The following ZCCHC14 variants were observed in gnomAD, a reference collection of about 807,000 sequenced individuals.
ZCCHC14 encodes zinc finger CCHC domain-containing protein 14.
In ZCCHC14, 16 loss-of-function variants were observed where a neutral mutation model predicts 85.0. The ratio of observed to expected loss-of-function variants is 0.19; its 90% CI spans 0.13 to 0.29. The LOEUF (loss-of-function observed/expected upper bound fraction) is 0.29, where lower values mean the gene tolerates loss of function less well. Among genes scored for constraint, ZCCHC14 ranks in the 10% least tolerant of loss-of-function variants. The pLI is 1.00. For missense variants in ZCCHC14, 1,303 were observed against 1,443.5 expected (o/e 0.90, Z 1.58); for synonymous variants, 775 against 630.7 (o/e 1.23, Z -3.43).
intron 1 of ZCCHC14, among the ~76,000 whole-genome samples, chr16:87,475,684 T>C (rs1203298073): frequency 6.6e-6 from 1 of 150,582 alleles, no homozygotes; most frequent in Admixed American, 6.6e-5. Context: ...TGAAGATGGA[T>C]CAATAAAAAG....
At chr16:87,435,397 G>A (rs964391631) in intron 2 of ZCCHC14, among the ~76,000 whole-genome samples, 4 of 152,204 alleles carry the variant, frequency 2.6e-5, no homozygotes, top group Admixed American at 6.5e-5. Context: ...ACCAACACCC[G>A]CCCGTCCGTG....
chr16:87,491,548 G>T lies in ZCCHC14; in HGVS notation c.570+121C>A. ...GTGGTGCAGGTTGGAGACCTGGGTG[G>T]GAGCTCTCAGTGCAGGCTGGAGGCG... is the stretch of plus-strand genomic sequence containing the variant. On this transcript the variant is annotated intron_variant, in intron 1 of 12. Coordinates refer to ENST00000671377, the MANE Select transcript of ZCCHC14 (RefSeq NM_015144.3). The surrounding 1 kb of genome is among the most constrained non-coding windows in gnomAD (Gnocchi z 5.9). The T allele has an allele frequency of 1.1e-6, 1 of 891,976 alleles. No individual in the cohort carries two copies. Among genetic ancestry groups the T allele is most frequent in the Non-Finnish European group, 1.5e-6 (1 of 659,024 alleles). 55.3% of individuals were successfully genotyped at this position (891,976 alleles called of 1,614,324 possible). A position where few individuals can be genotyped will look rare whatever the true frequency, so the allele number is the denominator to read the frequency against.
chr16:87,414,503 G>A lies in ZCCHC14; in HGVS notation c.1514C>T (p.Pro505Leu), dbSNP rs769425549. The A allele has an allele frequency of 2.2e-5, 35 of 1,612,890 alleles. 1 individual carries two copies. Among genetic ancestry groups the A allele is most frequent in the South Asian group, 3.3e-5 (3 of 91,000 alleles). The change falls in exon 10 of 13, where the codon CCG (proline) becomes CTG (leucine). Residue 505 changes from proline (P) to leucine (L), a missense_variant. Pro to Leu is a moderately conservative substitution (Grantham distance 98). Transcript: ENST00000671377. The stretch of plus-strand genomic sequence containing the variant: ...CACACCACTGCTGGTGACCAGCGGC[G>A]GGGCCGAGGGGTTCAGGCACCGTCT... ...SERRCLNPSA[P>L]PLVTSSGVAR...
At chr16:87,482,767 CA>C (rs1912342741) in intron 1 of ZCCHC14, among the ~76,000 whole-genome samples, 1 of 152,230 alleles carries the variant, frequency 6.6e-6, no homozygotes, top group East Asian at 1.9e-4. Flanking sequence ...GGCACTGGGA[CA>C]AATGGGCTGT....
intron 2 of ZCCHC14, among the ~76,000 whole-genome samples, chr16:87,435,858 C>T (rs1223944633): frequency 6.6e-6 from 1 of 152,278 alleles, no homozygotes; most frequent in Non-Finnish European, 1.5e-5. Context: ...AGAGGCTACA[C>T]AGCCCTGCTG....
intron 1 of ZCCHC14, among the ~76,000 whole-genome samples, chr16:87,463,943 CTGAG>C (rs1911397797): frequency 6.6e-6 from 1 of 152,316 alleles, no homozygotes; most frequent in Middle Eastern, 3.4e-3. Context: ...CCTGAGCCTC[CTGAG>C]TAACTGGGAC....
intron 1 of ZCCHC14, among the ~76,000 whole-genome samples, chr16:87,460,459 G>A (rs1021650188): frequency 2.0e-4 from 31 of 152,332 alleles, no homozygotes; most frequent in Middle Eastern, 3.4e-3. Context: ...GGAGGCTGAC[G>A]CAGGTGGATC....
chr16:87,415,778 G>A (rs1270965156), intron 8 of ZCCHC14, among the ~76,000 whole-genome samples: 1 of 152,178 alleles, frequency 6.6e-6, no homozygotes, highest in South Asian at 2.1e-4. Flanking sequence ...CCGTGGAGAT[G>A]CAAGTTATGA....
intron 2 of ZCCHC14, among the ~76,000 whole-genome samples, chr16:87,451,001 C>T (rs1021049720): frequency 1.3e-5 from 2 of 152,022 alleles, no homozygotes; most frequent in Middle Eastern, 3.2e-3. Flanking sequence ...TGGGTTCAAG[C>T]GATTCTCCTG....
chr16:87,431,108 C>G (rs1909633983), intron 3 of ZCCHC14, among the ~76,000 whole-genome samples: 1 of 151,632 alleles, frequency 6.6e-6, no homozygotes, highest in African/African-American at 2.4e-5. Context: ...TACTGCACTC[C>G]AGCCTGGTGA....
At chr16:87,461,003 G>A (rs1288750251) in intron 1 of ZCCHC14, among the ~76,000 whole-genome samples, 1 of 152,220 alleles carries the variant, frequency 6.6e-6, no homozygotes, top group Non-Finnish European at 1.5e-5. Context: ...CTGATGGGGT[G>A]TGCCCACTGC....
chr16:87,427,822 CTTTTTGCAG>C, intron 3 of ZCCHC14, among the ~76,000 whole-genome samples: 1 of 108,688 alleles, frequency 9.2e-6, no homozygotes, highest in Non-Finnish European at 2.0e-5. Context: ...ACTTTTTGCA[CTTTTTGCAG>C]TGATGGGGTT....
rs569833108 is a variant in ZCCHC14 at position 87,410,950 on chromosome 16, G to A, written c.3205+566C>T. Among the ~76,000 whole-genome samples, 6 of 152,312 alleles carry A rather than the reference G, an allele frequency of 3.9e-5. No individual in the cohort carries two copies. The South Asian group carries it at 6.2e-4, about 16-fold the overall frequency. On this transcript the variant is annotated intron_variant, in intron 12 of 12. Coordinates refer to ENST00000671377, the MANE Select transcript of ZCCHC14 (RefSeq NM_015144.3). The stretch of plus-strand genomic sequence containing the variant: ...TTGGGACCCACCTTCCCAGTCCCCC[G>A]TTTCCAAAACAGACAGCAAGAAGAA...
Position 87,491,902 on chromosome 16 carries a change from C to A in ZCCHC14, c.337G>T (p.Asp113Tyr). 6.5e-7 allele frequency: 1 copy of A among 1,527,134 alleles called. No individual in the cohort carries two copies. Among genetic ancestry groups the A allele is most frequent in the South Asian group, 1.2e-5 (1 of 80,706 alleles). 94.6% of individuals were successfully genotyped at this position (1,527,134 alleles called of 1,614,324 possible). The change falls in exon 1 of 13, where the codon GAC becomes TAC. Residue 113 changes from aspartate to tyrosine, a missense_variant. By Grantham distance (160) the Asp-to-Tyr change is radical. This residue lies in a region of ZCCHC14 where 19 missense variants were observed against 55.1 expected (regional missense o/e 0.34). Transcript: ENST00000671377. This position sits in a 1 kb window ranked among gnomAD's most constrained non-coding sequence, Gnocchi z 5.9. ...GVLYRTLTHI[D>Y]SIIHNYGLQL... ...AGCCCGTAGTTGTGGATGATGGAGT[C>A]GATGTGCGTGAGCGTGCGGTAGAGC... is the stretch of plus-strand genomic sequence containing the variant.
intron 2 of ZCCHC14, among the ~76,000 whole-genome samples, chr16:87,442,600 G>C (rs1378328677): frequency 6.6e-6 from 1 of 152,088 alleles, no homozygotes; most frequent in African/African-American, 2.4e-5. Flanking sequence ...TTTAGCGGTG[G>C]GACAATGGCT....
At chr16:87,419,176 T>A (rs1456716541) in intron 6 of ZCCHC14, among the ~76,000 whole-genome samples, 1 of 151,686 alleles carries the variant, frequency 6.6e-6, no homozygotes, top group African/African-American at 2.4e-5. Context: ...TCAACCATGC[T>A]GGAGTGCAGT....
intron 2 of ZCCHC14, among the ~76,000 whole-genome samples, chr16:87,455,198 G>C (rs908390893): frequency 7.2e-5 from 11 of 152,188 alleles, no homozygotes; most frequent in African/African-American, 2.7e-4. Context: ...TGAGGCAGGA[G>C]AATCACTTGA....
In ZCCHC14 at chr16:87,412,435, C is replaced by T. The variant is rs1224235587; in HGVS notation, c.2286G>A (p.Thr762=). 14 of 1,613,894 alleles carry T rather than the reference C, an allele frequency of 8.7e-6. No homozygotes were observed. In the East Asian group the frequency reaches 1.1e-4, roughly 13 times the overall value. The change falls in exon 12 of 13, where the codon ACG becomes ACA. Residue 762 remains threonine, a synonymous_variant. Coordinates refer to ENST00000671377, the MANE Select transcript of ZCCHC14 (RefSeq NM_015144.3). ...VVETSTAATG[T]PSTVLHAARP... Reference sequence around the variant, plus strand: ...GGGCGGCGTGGAGGACTGTGCTGGGCGTCCCCGTGGCGGCCGTGCTGGTCT... The same window carrying T: ...GGGCGGCGTGGAGGACTGTGCTGGGTGTCCCCGTGGCGGCCGTGCTGGTCT...
chr16:87,435,912 T>G (rs1478706648), intron 2 of ZCCHC14, among the ~76,000 whole-genome samples: 3 of 152,258 alleles, frequency 2.0e-5, no homozygotes, highest in African/African-American at 4.8e-5. Context: ...CCTGACTTCC[T>G]CAGTCAGACT....
Sources: gnomAD v4.1 joint callset for allele counts (sites outside exome capture counted in the v4.1 genomes callset) on GRCh38, gnomAD v4.1.1 for gene constraint, gnomAD v4.1.1 regional missense constraint, Gnocchi (gnomAD v3.1) non-coding constraint, MANE v1.5 for transcripts, NCBI Gene and HGNC (gene_info 2026-07-23, HGNC 2026-07-21) for gene names.